Variants in CERKL observed in about 807,000 individuals in gnomAD.
CERKL encodes the protein ceramide kinase-like protein.
In CERKL, 61 loss-of-function variants were observed where a neutral mutation model predicts 63.4. The ratio of observed to expected loss-of-function variants is 0.96; its 90% CI spans 0.78 to 1.19. The LOEUF (loss-of-function observed/expected upper bound fraction) is 1.19, where lower values mean the gene tolerates loss of function less well. Among genes scored for constraint, CERKL ranks in the 50% most tolerant of loss-of-function variants. The pLI, the probability that CERKL is intolerant of heterozygous loss-of-function variation, is 0.00. For synonymous variants in CERKL, 250 were observed against 230.5 expected (o/e 1.08, Z -0.77); for missense variants, 675 against 655.5 (o/e 1.03, Z -0.33).
At chr2:181,603,631 T>C (rs1685547968) in intron 2 of CERKL, 4 of 627,950 alleles carry the variant, frequency 6.4e-6, no homozygotes, top group Non-Finnish European at 1.2e-5. Flanking sequence ...GATACCACAT[T>C]AACAGGATGT....
intron 1 of CERKL, among the ~76,000 whole-genome samples, chr2:181,653,781 T>C (rs1286897138): frequency 1.3e-5 from 2 of 152,158 alleles, no homozygotes; most frequent in African/African-American, 4.8e-5. Context: ...GGAGAGAGGT[T>C]AGTCAAAAGA....
intron 1 of CERKL, among the ~76,000 whole-genome samples, chr2:181,655,957 G>A (rs570432933): frequency 1.1e-4 from 17 of 152,132 alleles, no homozygotes; most frequent in Non-Finnish European, 2.2e-4. Flanking sequence ...CTACTTATAA[G>A]ACTTGCAAAA....
At chr2:181,598,470 C>T (rs1432692964) in intron 2 of CERKL, among the ~76,000 whole-genome samples, 1 of 152,032 alleles carries the variant, frequency 6.6e-6, no homozygotes, top group Non-Finnish European at 1.5e-5. Flanking sequence ...CCCCAACCAG[C>T]GACCCCAAAG....
At chr2:181,583,340 A>T (rs1684619485) in intron 2 of CERKL, among the ~76,000 whole-genome samples, 1 of 152,150 alleles carries the variant, frequency 6.6e-6, no homozygotes, top group South Asian at 2.1e-4. Context: ...TTCACATGAA[A>T]CATTACAATA....
At chr2:181,642,863 A>G (rs1420628940) in intron 1 of CERKL, among the ~76,000 whole-genome samples, 1 of 152,226 alleles carries the variant, frequency 6.6e-6, no homozygotes, top group East Asian at 1.9e-4. Flanking sequence ...CCTTTTGTCC[A>G]TCATGAAATA....
chr2:181,575,835 C>T (rs916070937), intron 2 of CERKL, among the ~76,000 whole-genome samples: 1 of 152,152 alleles, frequency 6.6e-6, no homozygotes, highest in Non-Finnish European at 1.5e-5. Context: ...AAGCTCCACC[C>T]CATCCCCACT....
intron 2 of CERKL, among the ~76,000 whole-genome samples, chr2:181,580,521 A>G (rs1483442982): frequency 1.3e-5 from 2 of 152,114 alleles, no homozygotes; most frequent in Non-Finnish European, 2.9e-5. Flanking sequence ...GTCTACTTAC[A>G]TTAGTTCCAC....
intron 1 of CERKL, among the ~76,000 whole-genome samples, chr2:181,622,526 C>CA (rs1308860819): frequency 6.6e-6 from 1 of 152,114 alleles, no homozygotes; most frequent in Non-Finnish European, 1.5e-5. Flanking sequence ...GTACCACTAA[C>CA]AAAATAAATG....
At position 181,536,971 on chromosome 2, in the gene CERKL, A is replaced by ATTGAT. The variant is rs1195159365; in HGVS notation, c.*1208_*1212dup. On this transcript the variant is annotated 3_prime_UTR_variant, in exon 13 of 13. Transcript: ENST00000410087. ...TCCCTGCCACTAGCCAGCCATCCTA[A>ATTGAT]TTGATGAAAGTTATCTGTTCACAGG... 2 of 452,514 alleles carry ATTGAT rather than the reference A, an allele frequency of 4.4e-6. No individual in the cohort carries two copies. Among genetic ancestry groups the ATTGAT allele is most frequent in the African/African-American group, 4.0e-5 (2 of 49,902 alleles). The allele number at this position is 452,514 out of a possible 1,614,324, so 28.0% of individuals were successfully genotyped here.
intron 2 of CERKL, among the ~76,000 whole-genome samples, chr2:181,590,829 A>G (rs1423698714): frequency 1.3e-5 from 2 of 152,354 alleles, no homozygotes; most frequent in African/African-American, 4.8e-5. Context: ...TTGCTGGTAA[A>G]TATTTTAAAA....
intron 1 of CERKL, among the ~76,000 whole-genome samples, chr2:181,614,883 G>A (rs1036347028): frequency 6.6e-6 from 1 of 152,066 alleles, no homozygotes; most frequent in African/African-American, 2.4e-5. Flanking sequence ...ATTGATATTT[G>A]ATATCAGTAG....
chr2:181,538,276 AT>A, intron 12 of CERKL, 32 bp from the exon 13 acceptor site: 2 of 1,396,764 alleles, frequency 1.4e-6, no homozygotes, highest in South Asian at 2.3e-5. Context: ...TCATCAACTT[AT>A]TTTGTTGTTT....
chr2:181,625,723 C>A (rs16867463), intron 1 of CERKL, among the ~76,000 whole-genome samples: 2 of 152,190 alleles, frequency 1.3e-5, no homozygotes, highest in East Asian at 3.9e-4. Flanking sequence ...TTGAGCCTGA[C>A]GGGTCATTCC....
At chr2:181,548,164 G>A (rs574830738) in intron 8 of CERKL, 9 of 531,380 alleles carry the variant, frequency 1.7e-5, no homozygotes, top group South Asian at 1.5e-4. Context: ...ACAAAACTGT[G>A]TGTTTTGTTC....
rs1028151059 is a variant in CERKL, at chr2:181,596,824, C to T, written c.481+7013G>A. 4.6e-5 allele frequency among the ~76,000 whole-genome samples: 7 copies of T among 152,070 alleles called. 2 individuals carry two copies. The South Asian group carries it at 1.5e-3, about 32-fold the overall frequency. On this transcript the variant is annotated intron_variant, in intron 2 of 12. Transcript: ENST00000410087. ...CCTGGAGAGACTTTTAAAGAAAGCCCATGCCTGGAACCCACTGAGACTTAT... is the reference window on the plus strand; with the variant it reads ...CCTGGAGAGACTTTTAAAGAAAGCCTATGCCTGGAACCCACTGAGACTTAT...
intron 1 of CERKL, among the ~76,000 whole-genome samples, chr2:181,639,868 C>A (rs1427477665): frequency 6.6e-6 from 1 of 152,190 alleles, no homozygotes; most frequent in East Asian, 1.9e-4. Flanking sequence ...CAGAACCTGG[C>A]AGAGTAAACA....
Position 181,538,032 on chromosome 2 carries a change from C to A in CERKL, c.*152G>T, listed in dbSNP as rs1189935034. 2 of 695,424 alleles carry A rather than the reference C, an allele frequency of 2.9e-6. No individual in the cohort carries two copies. Among genetic ancestry groups the A allele is most frequent in the South Asian group, 3.0e-5 (2 of 66,296 alleles). 43.1% of individuals were successfully genotyped at this position (695,424 alleles called of 1,614,324 possible). A position where few individuals can be genotyped will look rare whatever the true frequency, so the allele number is the denominator to read the frequency against. ...TAATGCCTGATGATCTGAGGTGGAA[C>A]AGTTCATCCTGAAACCATTCCCCCA... On this transcript the variant is annotated 3_prime_UTR_variant, in exon 13 of 13. Transcript: ENST00000410087.
In CERKL at chr2:181,558,941, T is replaced by C. The variant is rs533912835; in HGVS notation, c.678-233A>G. ...TAATTCCCCATAGACAAAATAGCTTTAAGTGTGTTAAGAGATATGAAAACT... is the reference window on the plus strand; with the variant it reads ...TAATTCCCCATAGACAAAATAGCTTCAAGTGTGTTAAGAGATATGAAAACT... On this transcript the variant is annotated intron_variant, in intron 4 of 12. Coordinates refer to ENST00000410087, the MANE Select transcript of CERKL (RefSeq NM_201548.5). The surrounding 1 kb of genome is among the most constrained non-coding windows in gnomAD (Gnocchi z 4.2). 1.3e-5 allele frequency among the ~76,000 whole-genome samples: 2 copies of C among 152,306 alleles called. No homozygotes were observed. Among genetic ancestry groups the C allele is most frequent in the South Asian group, 2.1e-4 (1 of 4,828 alleles).
chr2:181,547,785 C>T (rs1272285151), intron 9 of CERKL, 37 bp downstream of exon 9: 2 of 1,613,912 alleles, frequency 1.2e-6, no homozygotes, highest in Admixed American at 3.3e-5. Context: ...GTCAACAGAA[C>T]CTGGCACAGT....
Sources: allele counts gnomAD v4.1 joint callset (sites outside exome capture counted in the v4.1 genomes callset), GRCh38; gene constraint gnomAD v4.1.1; non-coding constraint Gnocchi (gnomAD v3.1); transcripts MANE v1.5; gene names NCBI Gene and HGNC (gene_info 2026-07-23, HGNC 2026-07-21).